DIAPH3: variants seen among roughly 807,000 people sequenced by gnomAD.
The protein encoded by DIAPH3 is diaphanous related formin 3, also known as protein diaphanous homolog 3.
A neutral mutation model predicts 144.3 loss-of-function variants in DIAPH3; 117 were observed. The observed-to-expected ratio is 0.81, with a 90% CI of 0.70 to 0.95. The LOEUF is 0.95. Among genes scored for constraint, DIAPH3 ranks in the 40% least tolerant of loss-of-function variants. DIAPH3 has a pLI of 0.00. For missense variants in DIAPH3, 1,421 were observed against 1,412.7 expected (o/e 1.01, Z -0.09); for synonymous variants, 519 against 488.9 (o/e 1.06, Z -0.81).
chr13:60,008,828 T>C (rs1460332285), intron 8 of DIAPH3, among the ~76,000 whole-genome samples, 179 bp from the exon 9 acceptor site: 1 of 152,354 alleles, frequency 6.6e-6, no homozygotes, highest in East Asian at 1.9e-4. Flanking sequence ...TAATCATTTA[T>C]CCCTGACAAT....
intron 18 of DIAPH3, among the ~76,000 whole-genome samples, chr13:59,922,892 T>G (rs760848950): frequency 1.3e-5 from 2 of 152,122 alleles, no homozygotes; most frequent in Non-Finnish European, 2.9e-5. Flanking sequence ...CAGATATACA[T>G]TAAACTATAT....
intron 27 of DIAPH3, among the ~76,000 whole-genome samples, chr13:59,709,717 C>T (rs1162613096): frequency 6.6e-6 from 1 of 152,154 alleles, no homozygotes; most frequent in Admixed American, 6.5e-5. Flanking sequence ...ACTAGAAATA[C>T]CATTTGACCC....
intron 1 of DIAPH3, among the ~76,000 whole-genome samples, chr13:60,150,535 G>A (rs1951732858): frequency 6.6e-6 from 1 of 152,156 alleles, no homozygotes; most frequent in African/African-American, 2.4e-5. Flanking sequence ...TAGGGAGAGT[G>A]CCCATTTCAA....
intron 4 of DIAPH3, among the ~76,000 whole-genome samples, chr13:60,085,689 A>T (rs960868690): frequency 6.6e-6 from 1 of 152,142 alleles, no homozygotes; most frequent in Non-Finnish European, 1.5e-5. Flanking sequence ...CTGCACATAC[A>T]TAGCATTTAT....
chr13:59,859,949 G>T (rs930565552), intron 22 of DIAPH3, among the ~76,000 whole-genome samples: 4 of 152,098 alleles, frequency 2.6e-5, no homozygotes, highest in African/African-American at 7.2e-5. Flanking sequence ...TTGCAGAGGG[G>T]TAAAGTGAGT....
At chr13:59,847,233 T>C (rs2042693348) in intron 22 of DIAPH3, among the ~76,000 whole-genome samples, 1 of 152,252 alleles carries the variant, frequency 6.6e-6, no homozygotes, top group South Asian at 2.1e-4. Context: ...GGAATTTGCA[T>C]TCCTTAATTA....
intron 27 of DIAPH3, among the ~76,000 whole-genome samples, chr13:59,700,222 A>G (rs1011868400): frequency 5.3e-5 from 8 of 152,158 alleles, no homozygotes; most frequent in Admixed American, 1.3e-4. Context: ...GTATCTCCCC[A>G]TAGTATAACA....
At chr13:59,746,272 G>A (rs2139082290) in intron 27 of DIAPH3, among the ~76,000 whole-genome samples, 1 of 152,244 alleles carries the variant, frequency 6.6e-6, no homozygotes, top group Non-Finnish European at 1.5e-5. Context: ...GCCCAGGCTA[G>A]AATGTAGTGA....
intron 4 of DIAPH3, among the ~76,000 whole-genome samples, chr13:60,086,353 T>C (rs141567695): frequency 1.7e-3 from 265 of 152,144 alleles, no homozygotes; most frequent in African/African-American, 5.9e-3. Flanking sequence ...CTACCCTATA[T>C]AGGAATAAAT....
intron 9 of DIAPH3, among the ~76,000 whole-genome samples, chr13:60,007,898 T>C (rs1422371524): frequency 6.6e-6 from 1 of 152,142 alleles, no homozygotes; most frequent in Non-Finnish European, 1.5e-5. Flanking sequence ...ATCGACCTAA[T>C]TGGCAAAACA....
Position 59,838,942 on chromosome 13 carries a change from C to G in DIAPH3, c.2862+382G>C, listed in dbSNP as rs1373112374. 34 of 202,020 alleles carry G rather than the reference C, an allele frequency of 1.7e-4. No homozygotes were observed. The Admixed American group carries it at 1.8e-3, about 10-fold the overall frequency. The allele number at this position is 202,020 out of a possible 1,614,324, so 12.5% of individuals were successfully genotyped here. A position where few individuals can be genotyped will look rare whatever the true frequency, so the allele number is the denominator to read the frequency against. On this transcript the variant is annotated intron_variant, in intron 23 of 27. Transcript: ENST00000400324. ...TGGCGAATATGGTGAAACCCTGTCT[C>G]TACTAAAAATACAAAAAAATTAGCT...
chr13:59,982,202 T>C (rs142170224), intron 13 of DIAPH3, among the ~76,000 whole-genome samples: 268 of 151,606 alleles, frequency 1.8e-3, no homozygotes, highest in African/African-American at 6.0e-3. Flanking sequence ...ACAATTAATT[T>C]ATTAAAACTA....
intron 27 of DIAPH3, among the ~76,000 whole-genome samples, chr13:59,710,196 G>A (rs1430555363): frequency 6.7e-6 from 1 of 149,984 alleles, no homozygotes; most frequent in Non-Finnish European, 1.5e-5. Flanking sequence ...GTATACATAT[G>A]TAACTAACCT....
chr13:60,115,439 T>C (rs2058678658), intron 2 of DIAPH3, among the ~76,000 whole-genome samples: 1 of 152,188 alleles, frequency 6.6e-6, no homozygotes, highest in East Asian at 1.9e-4. Flanking sequence ...CAAGTGGAGA[T>C]GATTAGTGTC....
intron 27 of DIAPH3, among the ~76,000 whole-genome samples, chr13:59,755,854 T>A (rs2037228844): frequency 6.6e-6 from 1 of 152,088 alleles, no homozygotes; most frequent in Non-Finnish European, 1.5e-5. Flanking sequence ...ATACAGGATA[T>A]GACATAGAAT....
intron 27 of DIAPH3, among the ~76,000 whole-genome samples, chr13:59,712,349 C>T (rs2034794823): frequency 6.6e-6 from 1 of 152,158 alleles, no homozygotes; most frequent in Non-Finnish European, 1.5e-5. Flanking sequence ...GTCCTTTTCT[C>T]AGGAAACAAG....
At chr13:59,669,962 G>C (rs186799024) in intron 27 of DIAPH3, among the ~76,000 whole-genome samples, 60 of 152,224 alleles carry the variant, frequency 3.9e-4, no homozygotes, top group African/African-American at 1.4e-3. Context: ...TATCTATTTT[G>C]AATGTCTTAG....
intron 25 of DIAPH3, among the ~76,000 whole-genome samples, chr13:59,790,205 A>G (rs1038400048): frequency 3.3e-5 from 5 of 152,202 alleles, no homozygotes; most frequent in African/African-American, 1.2e-4. Flanking sequence ...ATTGCTTAAT[A>G]CTGAGGCAAT....
intron 8 of DIAPH3, among the ~76,000 whole-genome samples, 170 bp downstream of exon 8, chr13:60,010,363 A>C (rs893279813): frequency 6.6e-5 from 10 of 152,336 alleles, no homozygotes; most frequent in Non-Finnish European, 1.2e-4. Flanking sequence ...TAAGAGAAAT[A>C]ATTACTCAAA....
Sources: gnomAD v4.1 joint callset for allele counts (sites outside exome capture counted in the v4.1 genomes callset) on GRCh38, gnomAD v4.1.1 for gene constraint, MANE v1.5 for transcripts, NCBI Gene and HGNC (gene_info 2026-07-23, HGNC 2026-07-21) for gene names.